SEMA3A: variants seen among roughly 807,000 people sequenced by gnomAD.
SEMA3A encodes semaphorin 3A.
SEMA3A carries 29 observed loss-of-function variants against 97.9 expected under a neutral mutation model. The ratio of observed to expected loss-of-function variants is 0.30; its 90% CI spans 0.22 to 0.40. SEMA3A has a LOEUF of 0.40. Among genes scored for constraint, SEMA3A ranks in the 10% least tolerant of loss-of-function variants. The probability of loss-of-function intolerance (pLI) is 1.00; values close to 1 mark genes in which losing one functional copy is unlikely to be tolerated. For missense variants in SEMA3A, 763 were observed against 951.3 expected (o/e 0.80, Z 2.60); for synonymous variants, 321 against 323.7 (o/e 0.99, Z 0.09).
chr7:84,411,606 A>G (rs975837383), intron 1 of SEMA3A, among the ~76,000 whole-genome samples: 6 of 151,506 alleles, frequency 4.0e-5, no homozygotes, highest in African/African-American at 1.5e-4. Flanking sequence ...TTATAGAAAA[A>G]TAACTGAAAA....
chr7:84,319,398 G>A (rs945955507), intron 2 of SEMA3A, among the ~76,000 whole-genome samples: 3 of 151,998 alleles, frequency 2.0e-5, no homozygotes, highest in African/African-American at 7.2e-5. Context: ...GCACCAAACA[G>A]GAAGGGGGAA....
At chr7:84,304,261 T>C (rs1801099259) in intron 3 of SEMA3A, among the ~76,000 whole-genome samples, 3 of 152,074 alleles carry the variant, frequency 2.0e-5, no homozygotes, top group Non-Finnish European at 4.4e-5. Flanking sequence ...GGTCAGCAAT[T>C]TTTTTGTTTT....
intron 1 of SEMA3A, among the ~76,000 whole-genome samples, chr7:84,457,868 A>G (rs1805723672): frequency 6.6e-6 from 1 of 152,052 alleles, no homozygotes; most frequent in African/African-American, 2.4e-5. Context: ...GAAAACAAGT[A>G]TATACATCAT....
At chr7:84,417,339 A>C (rs1804463774) in intron 1 of SEMA3A, among the ~76,000 whole-genome samples, 1 of 152,114 alleles carries the variant, frequency 6.6e-6, no homozygotes, top group Admixed American at 6.6e-5. Flanking sequence ...ATCAATATAT[A>C]GTATTAAATT....
intron 3 of SEMA3A, among the ~76,000 whole-genome samples, chr7:84,262,983 G>A (rs1799896142): frequency 6.6e-6 from 1 of 152,084 alleles, no homozygotes; most frequent in African/African-American, 2.4e-5. Flanking sequence ...AGAAGTGAAA[G>A]GTTTGGCTTT....
At chr7:84,088,624 A>T (rs2115836184) in intron 4 of SEMA3A, among the ~76,000 whole-genome samples, 1 of 152,254 alleles carries the variant, frequency 6.6e-6, no homozygotes, top group East Asian at 1.9e-4. Flanking sequence ...TTGGGAATAC[A>T]TTTTTGACAT....
intron 2 of SEMA3A, among the ~76,000 whole-genome samples, chr7:84,325,098 C>G (rs931189735): frequency 6.6e-6 from 1 of 151,618 alleles, no homozygotes; most frequent in African/African-American, 2.4e-5. Context: ...AGACCTGTCA[C>G]AATGGAGAAT....
chr7:83,961,750 T>C lies in SEMA3A; in HGVS notation c.1937A>G (p.Asn646Ser). ...LRSLQQKDSG[N>S]YLCHAVEHGF... The stretch of plus-strand genomic sequence containing the variant: ...ATGTTCCACCGCATGGCAGAGGTAA[T>C]TGCCTGAATCCTTCTGTTGTAGACT... Residue 646 changes from asparagine (N) to serine (S), a missense_variant, in exon 17 of 17, where the codon AAT becomes AGT. Physicochemically the swap from Asn to Ser is conservative, Grantham distance 46. Transcript: ENST00000265362. 1 of 1,613,990 alleles carries C rather than the reference T, an allele frequency of 6.2e-7. No individual in the cohort carries two copies. The highest frequency in any genetic ancestry group is 8.5e-7 in the Non-Finnish European group (1 of 1,179,888).
Position 84,298,771 on chromosome 7 carries a change from G to A in SEMA3A, c.-83+8436C>T, listed in dbSNP as rs534958256. Among the ~76,000 whole-genome samples the A allele has an allele frequency of 2.0e-4, 30 of 152,286 alleles. 1 individual carries two copies. The South Asian group carries it at 2.1e-3, about 11-fold the overall frequency. The stretch of plus-strand genomic sequence containing the variant: ...AAAGAATGCAAAGTATTGTTCCTGG[G>A]TGTTTCTGTGAGGGTGTTGCCAAAG... On this transcript the variant is annotated intron_variant, in intron 3 of 3. Transcript: ENST00000424555.
chr7:84,058,663 G>A (rs565018613), intron 5 of SEMA3A, among the ~76,000 whole-genome samples: 30 of 152,134 alleles, frequency 2.0e-4, no homozygotes, highest in African/African-American at 5.8e-4. Flanking sequence ...GTCAATAAGC[G>A]CTACATACCT....
intron 1 of SEMA3A, among the ~76,000 whole-genome samples, chr7:84,407,461 A>G (rs908542209): frequency 6.6e-6 from 1 of 152,108 alleles, no homozygotes; most frequent in Non-Finnish European, 1.5e-5. Flanking sequence ...GAAAATGGTC[A>G]TACTGCCCAA....
chr7:84,253,144 C>A (rs865822915), intron 3 of SEMA3A, among the ~76,000 whole-genome samples: 151 of 152,250 alleles, frequency 9.9e-4, no homozygotes, highest in African/African-American at 3.6e-3. Context: ...TCCCAAAGTG[C>A]AGAGATTACG....
chr7:84,442,993 G>A (rs1053968769), intron 1 of SEMA3A, among the ~76,000 whole-genome samples: 1 of 151,920 alleles, frequency 6.6e-6, no homozygotes, highest in African/African-American at 2.4e-5. Flanking sequence ...AAAAATTGAA[G>A]GGAAAAATAG....
chr7:83,985,179 T>G (rs1017869650), intron 13 of SEMA3A, among the ~76,000 whole-genome samples: 2 of 152,096 alleles, frequency 1.3e-5, no homozygotes, highest in African/African-American at 4.8e-5. Flanking sequence ...ATACACTGTA[T>G]GTAAAAATTT....
intron 4 of SEMA3A, among the ~76,000 whole-genome samples, chr7:84,071,068 T>G (rs1359596294): frequency 6.6e-6 from 1 of 152,062 alleles, no homozygotes; most frequent in Non-Finnish European, 1.5e-5. Context: ...TAATTTACTT[T>G]TCCTTAAAAG....
intron 1 of SEMA3A, among the ~76,000 whole-genome samples, chr7:84,491,764 T>G (rs543471041): frequency 6.6e-6 from 1 of 152,292 alleles, no homozygotes; most frequent in Admixed American, 6.5e-5. Context: ...AAACGCAATG[T>G]GAAGACTGCT....
intron 5 of SEMA3A, among the ~76,000 whole-genome samples, chr7:84,051,040 G>A (rs1453066148): frequency 6.6e-6 from 1 of 151,722 alleles, no homozygotes; most frequent in Non-Finnish European, 1.5e-5. Flanking sequence ...CATTATTTCG[G>A]AGGGCTCTGT....
intron 6 of SEMA3A, among the ~76,000 whole-genome samples, chr7:84,031,672 A>G (rs902978502): frequency 1.3e-5 from 2 of 151,794 alleles, no homozygotes; most frequent in Admixed American, 6.6e-5. Context: ...CGTCTCTACT[A>G]AAAATACAAA....
chr7:84,207,631 A>C (rs1798521837), intron 3 of SEMA3A, among the ~76,000 whole-genome samples: 1 of 152,206 alleles, frequency 6.6e-6, no homozygotes, highest in African/African-American at 2.4e-5. Flanking sequence ...ATAGAATTTC[A>C]TTACGTATAG....
Sources: gnomAD v4.1 joint callset for allele counts (sites outside exome capture counted in the v4.1 genomes callset) on GRCh38, gnomAD v4.1.1 for gene constraint, MANE v1.5 for transcripts, NCBI Gene and HGNC (gene_info 2026-07-23, HGNC 2026-07-21) for gene names.